Variants in CACNB3 observed in about 807,000 individuals in gnomAD.
CACNB3 encodes the protein calcium voltage-gated channel auxiliary subunit beta 3, also known as voltage-dependent L-type calcium channel subunit beta-3.
CACNB3 carries 36 observed loss-of-function variants against 63.7 expected under a neutral mutation model. The ratio of observed to expected loss-of-function variants is 0.57; its 90% confidence interval spans 0.43 to 0.75. The LOEUF is 0.75. Among genes scored for constraint, CACNB3 ranks in the 30% least tolerant of loss-of-function variants. CACNB3 has a pLI of 0.00. For missense variants in CACNB3, 493 were observed against 648.6 expected, an observed-to-expected ratio of 0.76 and a Z score of 2.61; for synonymous variants, 241 against 250.6, an observed-to-expected ratio of 0.96 and a Z score of 0.36.
At chr12:48,817,837 A>G (rs1942322012), upstream of CACNB3, 1 of 152,330 alleles carries the variant, frequency 6.6e-6, no homozygotes, top group Admixed American at 6.5e-5. Flanking sequence ...AGGCTCACCT[A>G]AAACAGCCCC....
upstream of CACNB3, chr12:48,818,401 G>A (rs997474120): frequency 3.1e-6 from 3 of 970,512 alleles, no homozygotes; most frequent in Non-Finnish European, 3.7e-6. This position sits in a 1 kb window ranked among gnomAD's most constrained non-coding sequence, Gnocchi z 4.3. Flanking sequence ...GTTTCCCGGC[G>A]GAGTAGTTCC....
chr12:48,824,380 G>T lies in CACNB3; in HGVS notation c.407+7G>T. ...AACAGGAGCAGAAGGCCAGGTGAGA[G>T]TTGGGCCATGAGTCAGTAAACACAC... On this transcript the variant is annotated splice_region_variant and intron_variant, in intron 4 of 12. Coordinates refer to ENST00000301050, the MANE Select transcript of CACNB3 (RefSeq NM_000725.4). 6.3e-7 allele frequency: 1 copy of T among 1,597,342 alleles called. No individual in the cohort carries two copies. Among genetic ancestry groups the T allele is most frequent in the South Asian group, 1.1e-5 (1 of 88,108 alleles).
chr12:48,816,893 G>A (rs889627644), upstream of CACNB3: 4 of 985,348 alleles, frequency 4.1e-6, no homozygotes, highest in African/African-American at 5.2e-5. Flanking sequence ...CAGGAGAAGA[G>A]CACCTTGAGG....
At chr12:48,814,846 G>A (rs1485885765), upstream of CACNB3, 3 of 352,798 alleles carry the variant, frequency 8.5e-6, no homozygotes, top group South Asian at 1.1e-4. This position sits in a 1 kb window ranked among gnomAD's most constrained non-coding sequence, Gnocchi z 6.9. Flanking sequence ...TGTAGCCGCC[G>A]GGCCAGCGAG....
chr12:48,828,937 C>T lies in CACNB3; in HGVS notation c.*1038C>T, dbSNP rs764173049. 1.4e-5 allele frequency: 5 copies of T among 352,210 alleles called. No individual in the cohort carries two copies. Among genetic ancestry groups the T allele is most frequent in the Non-Finnish European group, 2.3e-5 (4 of 177,248 alleles). The allele number at this position is 352,210 out of a possible 1,614,324, so 21.8% of individuals were successfully genotyped here. On this transcript the variant is annotated 3_prime_UTR_variant, in exon 13 of 13. Transcript: ENST00000301050. ...TGTCATCACTAATAAACATCATGCA[C>T]AGTCCCTCCGGCTTCTGTTCTGTCT...
intron 1 of CACNB3, chr12:48,819,903 C>T (rs969507757): frequency 3.2e-6 from 1 of 314,528 alleles, no homozygotes; most frequent in Non-Finnish European, 6.4e-6. Flanking sequence ...GGAGCAGCTT[C>T]TCAGCCCCTT....
chr12:48,816,038 C>T (rs1489562235), upstream of CACNB3, among the ~76,000 whole-genome samples: 3 of 152,138 alleles, frequency 2.0e-5, no homozygotes, highest in Non-Finnish European at 4.4e-5. Flanking sequence ...CCCTGAGTTC[C>T]CTGGCAGCCT....
chr12:48,825,127 GC>G lies in CACNB3; in HGVS notation c.493-34del. ...AACCAGGCATGAGACAGGCACCAGG[GC>G]CATGGTTTCTACTGACCTCATGTCC... On this transcript the variant is annotated intron_variant, in intron 6 of 12. Transcript: ENST00000301050. This position sits in a 1 kb window ranked among gnomAD's most constrained non-coding sequence, Gnocchi z 4.5. The G allele has an allele frequency of 6.2e-7, 1 of 1,609,742 alleles. No individual in the cohort carries two copies. Among genetic ancestry groups the G allele is most frequent in the Non-Finnish European group, 8.5e-7 (1 of 1,176,104 alleles).
rs760422233 is a variant in CACNB3, at chr12:48,824,302, C to T, written c.336C>T (p.Gly112=). The T allele has an allele frequency of 1.6e-5, 26 of 1,613,046 alleles. No homozygotes were observed. The highest frequency in any genetic ancestry group is 1.6e-4 in the Middle Eastern group (1 of 6,078). ...DWWIGRLVKE[G]GDIAFIPSPQ... is the part of the protein sequence containing the mutation. ...GGATCGGGCGGCTAGTGAAAGAGGG[C>T]GGGGACATCGCCTTCATCCCCAGCC... The change falls in exon 4 of 13, where the codon GGC becomes GGT. Residue 112 remains glycine, a synonymous_variant. Transcript: ENST00000301050.
chr12:48,815,727 A>C (rs925158300), upstream of CACNB3: 8 of 907,578 alleles, frequency 8.8e-6, no homozygotes, highest in African/African-American at 2.3e-5. Flanking sequence ...CTGCTGAACG[A>C]GGTAACCGTG....
rs1158463867 is a variant in CACNB3, at chr12:48,826,606, T to C, written c.894+88T>C. 2 of 1,543,550 alleles carry C rather than the reference T, an allele frequency of 1.3e-6. No individual in the cohort carries two copies. The highest frequency in any genetic ancestry group is 2.3e-5 in the East Asian group (1 of 44,374). On this transcript the variant is annotated intron_variant, in intron 10 of 12. Transcript: ENST00000301050. This position sits in a 1 kb window ranked among gnomAD's most constrained non-coding sequence, Gnocchi z 4.8. ...CTACTTGGTCCCTGCCTGGGGCACC[T>C]GAGTTCCCTTTTCCTGCTGCCCTTA...
Position 48,825,850 on chromosome 12 carries a change from A to G in CACNB3, c.742+81A>G, listed in dbSNP as rs148441385. 5.8e-3 allele frequency: 5,614 copies of G among 967,142 alleles called. 209 individuals carry two copies. In the African/African-American group the frequency reaches 0.079, roughly 14 times the overall value. The allele number at this position is 967,142 out of a possible 1,614,324, so 59.9% of individuals were successfully genotyped here. On this transcript the variant is annotated intron_variant, in intron 9 of 12. Coordinates refer to ENST00000301050, the MANE Select transcript of CACNB3 (RefSeq NM_000725.4). This position sits in a 1 kb window ranked among gnomAD's most constrained non-coding sequence, Gnocchi z 4.5. Reference sequence around the variant, plus strand: ...CCTCCTCCCTTTTCTTTTTTTTGAGATGGAGTCTCGCTCTGTCACCTAGGC... The same window carrying G: ...CCTCCTCCCTTTTCTTTTTTTTGAGGTGGAGTCTCGCTCTGTCACCTAGGC...
At position 48,818,651 on chromosome 12, in the gene CACNB3, C is replaced by T. The variant is rs1937655755; in HGVS notation, c.-279C>T. 8.7e-7 allele frequency: 1 copy of T among 1,143,144 alleles called. No homozygotes were observed. The highest frequency in any genetic ancestry group is 1.1e-6 in the Non-Finnish European group (1 of 941,138). 70.8% of individuals were successfully genotyped at this position (1,143,144 alleles called of 1,614,324 possible). On this transcript the variant is annotated 5_prime_UTR_variant, in exon 1 of 13. Transcript: ENST00000301050. The surrounding 1 kb of genome is among the most constrained non-coding windows in gnomAD (Gnocchi z 4.3). The stretch of plus-strand genomic sequence containing the variant: ...TCTCCCGGGGAGGGGGTCAGGTGGG[C>T]GGGCACTATTGTTGTAGGAGCCGGC...
chr12:48,826,602 C>A lies in CACNB3; in HGVS notation c.894+84C>A. On this transcript the variant is annotated intron_variant, in intron 10 of 12. Transcript: ENST00000301050. This position sits in a 1 kb window ranked among gnomAD's most constrained non-coding sequence, Gnocchi z 4.8. ...GATTCTACTTGGTCCCTGCCTGGGG[C>A]ACCTGAGTTCCCTTTTCCTGCTGCC... 1 of 1,551,384 alleles carries A rather than the reference C, an allele frequency of 6.4e-7. No homozygotes were observed. The highest frequency in any genetic ancestry group is 8.9e-7 in the Non-Finnish European group (1 of 1,126,704).
chr12:48,823,989 T>C lies in CACNB3; in HGVS notation c.291+186T>C. Reference sequence around the variant, plus strand: ...CCAGGGTCTCCATCCTTCTGAGACCTGGCTTGGGCATCAGTCTCCATGTCT... The same window carrying C: ...CCAGGGTCTCCATCCTTCTGAGACCCGGCTTGGGCATCAGTCTCCATGTCT... On this transcript the variant is annotated intron_variant, in intron 3 of 12. Transcript: ENST00000301050. The surrounding 1 kb of genome is among the most constrained non-coding windows in gnomAD (Gnocchi z 4.2). The C allele has an allele frequency of 1.3e-6, 1 of 783,268 alleles. No homozygotes were observed. The highest frequency in any genetic ancestry group is 2.0e-6 in the Non-Finnish European group (1 of 499,408). The allele number at this position is 783,268 out of a possible 1,614,324, so 48.5% of individuals were successfully genotyped here.
chr12:48,823,308 C>A lies in CACNB3; in HGVS notation c.46-36C>A, dbSNP rs377225311. On this transcript the variant is annotated intron_variant, in intron 1 of 12. Coordinates refer to ENST00000301050, the MANE Select transcript of CACNB3 (RefSeq NM_000725.4). This position sits in a 1 kb window ranked among gnomAD's most constrained non-coding sequence, Gnocchi z 4.2. ...GGTGCCTCCATGGCATCCTTCATGC[C>A]GGAGCCTGGGAGTCACAGCCTCTTT... 27 of 1,606,862 alleles carry A rather than the reference C, an allele frequency of 1.7e-5. No homozygotes were observed. The highest frequency in any genetic ancestry group is 2.2e-5 in the Non-Finnish European group (26 of 1,176,620).
rs1356381613 is a variant in CACNB3 at position 48,818,619 on chromosome 12, C to T, written c.-311C>T. 3 of 1,113,202 alleles carry T rather than the reference C, an allele frequency of 2.7e-6. No individual in the cohort carries two copies. Among genetic ancestry groups the T allele is most frequent in the Non-Finnish European group, 3.3e-6 (3 of 912,770 alleles). 69.0% of individuals were successfully genotyped at this position (1,113,202 alleles called of 1,614,324 possible). A position where few individuals can be genotyped will look rare whatever the true frequency, so the allele number is the denominator to read the frequency against. ...CGGTGGCCGCCGCCCCCTCGCCGCC[C>T]CCGCCTTCTCCCGGGGAGGGGGTCA... On this transcript the variant is annotated 5_prime_UTR_variant, in exon 1 of 13. Transcript: ENST00000301050. The surrounding 1 kb of genome is among the most constrained non-coding windows in gnomAD (Gnocchi z 4.3).
Position 48,824,741 on chromosome 12 carries a change from C to T in CACNB3, c.472+8C>T. 1.2e-6 allele frequency: 2 copies of T among 1,612,512 alleles called. No individual in the cohort carries two copies. The highest frequency in any genetic ancestry group is 8.5e-7 in the Non-Finnish European group (1 of 1,178,952). ...CCCCTCCGCCATCTCTAGGTAGCCTCCCCCCAACCCACCCATTTTGGGTAG... is the reference window on the plus strand; with the variant it reads ...CCCCTCCGCCATCTCTAGGTAGCCTTCCCCCAACCCACCCATTTTGGGTAG... On this transcript the variant is annotated splice_region_variant and intron_variant, in intron 5 of 12. Coordinates refer to ENST00000301050, the MANE Select transcript of CACNB3 (RefSeq NM_000725.4).
chr12:48,828,564 A>G lies in CACNB3; in HGVS notation c.*665A>G. Reference sequence around the variant, plus strand: ...TCACCCTGCCAGGAAGCTTCTTAACATGTGACAGGACCAGGGACCAGGAGC... The same window carrying G: ...TCACCCTGCCAGGAAGCTTCTTAACGTGTGACAGGACCAGGGACCAGGAGC... On this transcript the variant is annotated 3_prime_UTR_variant, in exon 13 of 13. Transcript: ENST00000301050. 1 of 417,386 alleles carries G rather than the reference A, an allele frequency of 2.4e-6. No homozygotes were observed. Among genetic ancestry groups the G allele is most frequent in the Non-Finnish European group, 4.8e-6 (1 of 207,380 alleles). 25.9% of individuals were successfully genotyped at this position (417,386 alleles called of 1,614,324 possible).
Sources: gnomAD v4.1 joint callset for allele counts (sites outside exome capture counted in the v4.1 genomes callset) on GRCh38, gnomAD v4.1.1 for gene constraint, Gnocchi (gnomAD v3.1) non-coding constraint, MANE v1.5 for transcripts, NCBI Gene and HGNC (gene_info 2026-07-23, HGNC 2026-07-21) for gene names.